The following MACROD2 variants were observed in gnomAD, a reference collection of about 807,000 sequenced individuals.
The protein encoded by MACROD2 is ADP-ribose glycohydrolase MACROD2.
In MACROD2, 36 loss-of-function variants were observed where a neutral mutation model predicts 70.4. That is an observed-to-expected ratio of 0.51 (90% confidence interval 0.39 to 0.68). The LOEUF (loss-of-function observed/expected upper bound fraction) is 0.68. Among genes scored for constraint, MACROD2 ranks in the 30% least tolerant of loss-of-function variants. The probability of loss-of-function intolerance (pLI) is 0.00; values close to 1 mark genes in which losing one functional copy is unlikely to be tolerated. For missense variants in MACROD2, 496 were observed against 538.4 expected, an observed-to-expected ratio of 0.92 and a Z score of 0.78; for synonymous variants, 172 against 178.8, an observed-to-expected ratio of 0.96 and a Z score of 0.30.
At chr20:14,878,696 A>C (rs2073577608) in intron 5 of MACROD2, among the ~76,000 whole-genome samples, 1 of 152,082 alleles carries the variant, frequency 6.6e-6, no homozygotes, top group Non-Finnish European at 1.5e-5. Context: ...TATTTTTTTA[A>C]ATAGTTTACT....
At chr20:15,016,099 G>C (rs537496651) in intron 5 of MACROD2, among the ~76,000 whole-genome samples, 1 of 152,144 alleles carries the variant, frequency 6.6e-6, no homozygotes, top group Non-Finnish European at 1.5e-5. Flanking sequence ...GTGTTTTTAC[G>C]TCTGCAAGAA....
In MACROD2 at chr20:15,805,289, G is replaced by C. The variant is rs192024443; in HGVS notation, c.646-57456G>C. Among the ~76,000 whole-genome samples the C allele has an allele frequency of 1.4e-3, 214 of 152,160 alleles. 1 individual carries two copies. The highest frequency in any genetic ancestry group is 4.7e-3 in the African/African-American group (197 of 41,486). ...CTGTAGGCTTCTGAACAAGAGAAGG[G>C]CGTGTTGTTAAAGGAAAATGATCCT... On this transcript the variant is annotated intron_variant, in intron 8 of 17. Transcript: ENST00000684519.
intron 3 of MACROD2, among the ~76,000 whole-genome samples, chr20:14,237,497 T>A (rs1231068482): frequency 6.6e-6 from 1 of 151,628 alleles, no homozygotes; most frequent in South Asian, 2.1e-4. Context: ...ATATATCTCT[T>A]TAGCTAAGTC....
At chr20:14,864,574 C>T (rs764259679) in intron 5 of MACROD2, among the ~76,000 whole-genome samples, 5 of 152,110 alleles carry the variant, frequency 3.3e-5, no homozygotes, top group African/African-American at 4.8e-5. Flanking sequence ...TAATACTGTG[C>T]GAACAAATTT....
At chr20:14,202,216 T>C (rs1028054757) in intron 3 of MACROD2, among the ~76,000 whole-genome samples, 2 of 152,206 alleles carry the variant, frequency 1.3e-5, no homozygotes, top group Non-Finnish European at 2.9e-5. Flanking sequence ...GGCTTTTTCT[T>C]TTCTTCACCC....
chr20:15,884,860 T>C (rs1183708247), intron 9 of MACROD2, among the ~76,000 whole-genome samples: 1 of 152,098 alleles, frequency 6.6e-6, no homozygotes, highest in Non-Finnish European at 1.5e-5. Flanking sequence ...ATTCGGTGTC[T>C]GGTGAGGTCC....
intron 3 of MACROD2, among the ~76,000 whole-genome samples, chr20:14,288,119 C>CTACCTTGTACCTTG (rs1312543110): frequency 1.3e-5 from 2 of 151,794 alleles, no homozygotes; most frequent in African/African-American, 4.8e-5. Context: ...AAGGTACACC[C>CTACCTTGTACCTTG]TACAAGGTAG....
chr20:14,702,628 TA>T lies in MACROD2; in HGVS notation c.418+17670del, dbSNP rs2071216360. ...ATATATATGTGTATATATATATACA[TA>T]TATATATGTATATATATATACACAT... On this transcript the variant is annotated intron_variant, in intron 5 of 17. Transcript: ENST00000684519. Among the ~76,000 whole-genome samples, 15 of 123,834 alleles carry T rather than the reference TA, an allele frequency of 1.2e-4. No individual in the cohort carries two copies. In the East Asian group the frequency reaches 3.3e-3, roughly 27 times the overall value. 81.2% of individuals were successfully genotyped at this position (123,834 alleles called of 152,430 possible). A position where few individuals can be genotyped will look rare whatever the true frequency, so the allele number is the denominator to read the frequency against.
intron 8 of MACROD2, among the ~76,000 whole-genome samples, chr20:15,523,812 T>A (rs1458145160): frequency 1.3e-5 from 2 of 152,206 alleles, no homozygotes; most frequent in African/African-American, 2.4e-5. Flanking sequence ...CGATGGACAG[T>A]CTGAAGTCTA....
chr20:15,667,738 A>G (rs984814810), intron 8 of MACROD2, among the ~76,000 whole-genome samples: 3 of 152,198 alleles, frequency 2.0e-5, no homozygotes, highest in Non-Finnish European at 4.4e-5. Flanking sequence ...ACTGTTGTTG[A>G]AACCAATCAT....
chr20:14,750,757 C>A (rs1378274070), intron 5 of MACROD2, among the ~76,000 whole-genome samples: 1 of 151,930 alleles, frequency 6.6e-6, no homozygotes, highest in African/African-American at 2.4e-5. Context: ...CCATGCCTGG[C>A]CGTAACCAAT....
intron 5 of MACROD2, among the ~76,000 whole-genome samples, chr20:14,747,853 A>G (rs933735245): frequency 7.2e-5 from 11 of 151,860 alleles, no homozygotes; most frequent in African/African-American, 2.7e-4. Context: ...AGGGATGTCA[A>G]TAGAGGAGCC....
At chr20:14,973,814 A>C (rs1286079537) in intron 5 of MACROD2, among the ~76,000 whole-genome samples, 1 of 152,130 alleles carries the variant, frequency 6.6e-6, no homozygotes, top group African/African-American at 2.4e-5. Context: ...GCAGAACCTC[A>C]AGGAACTTAA....
chr20:15,211,212 CT>C (rs1413437269), intron 5 of MACROD2, among the ~76,000 whole-genome samples: 1 of 152,162 alleles, frequency 6.6e-6, no homozygotes, highest in Non-Finnish European at 1.5e-5. Flanking sequence ...TCTTTTGTCT[CT>C]GTTTTCCTTA....
chr20:14,861,416 A>G (rs1358369346), intron 5 of MACROD2, among the ~76,000 whole-genome samples: 1 of 152,110 alleles, frequency 6.6e-6, no homozygotes, highest in Non-Finnish European at 1.5e-5. Context: ...TCATCAAGAC[A>G]CAGTCATAGA....
chr20:15,576,619 G>A (rs1018106333), intron 8 of MACROD2, among the ~76,000 whole-genome samples: 1 of 148,980 alleles, frequency 6.7e-6, no homozygotes, highest in Non-Finnish European at 1.5e-5. Flanking sequence ...TGACCTTTGG[G>A]TGAGGCTCAC....
chr20:15,876,737 A>G (rs2064680193), intron 9 of MACROD2, among the ~76,000 whole-genome samples: 1 of 152,176 alleles, frequency 6.6e-6, no homozygotes, highest in Non-Finnish European at 1.5e-5. Context: ...CCAACAGTGT[A>G]AAAGCGTTCC....
At chr20:15,645,203 A>G (rs941500728) in intron 8 of MACROD2, among the ~76,000 whole-genome samples, 1 of 152,212 alleles carries the variant, frequency 6.6e-6, no homozygotes. Flanking sequence ...AATGGTGGAC[A>G]GTTGCCTCCT....
intron 8 of MACROD2, among the ~76,000 whole-genome samples, chr20:15,557,172 A>G (rs926982534): frequency 6.6e-6 from 1 of 152,076 alleles, no homozygotes; most frequent in African/African-American, 2.4e-5. Context: ...GCCACATTCA[A>G]CGGGGCACTC....
Sources: gnomAD v4.1 joint callset for allele counts (sites outside exome capture counted in the v4.1 genomes callset) on GRCh38, gnomAD v4.1.1 for gene constraint, MANE v1.5 for transcripts, NCBI Gene and HGNC (gene_info 2026-07-23, HGNC 2026-07-21) for gene names.